Variants in DNTTIP1 observed in about 807,000 individuals in gnomAD.
DNTTIP1 encodes the protein deoxynucleotidyltransferase terminal-interacting protein 1.
DNTTIP1 carries 22 observed loss-of-function variants against 52.9 expected under a neutral mutation model. That is an observed-to-expected ratio of 0.42 (90% CI 0.30 to 0.59). DNTTIP1 has a LOEUF of 0.59. Ranked by LOEUF, DNTTIP1 falls within the 20% of genes least tolerant of loss-of-function variation. The pLI is 0.22. For synonymous variants in DNTTIP1, 136 were observed against 155.1 expected (o/e 0.88, Z 0.92); for missense variants, 286 against 435.5 (o/e 0.66, Z 3.06).
rs80085028 is a variant in DNTTIP1 at position 45,806,593 on chromosome 20, G to A, written c.723+1227G>A. 7.1e-4 allele frequency among the ~76,000 whole-genome samples: 108 copies of A among 152,352 alleles called. No individual in the cohort carries two copies. The East Asian group carries it at 9.1e-3, about 13-fold the overall frequency. On this transcript the variant is annotated intron_variant, in intron 10 of 12. Coordinates refer to ENST00000372622, the MANE Select transcript of DNTTIP1 (RefSeq NM_052951.3). The stretch of plus-strand genomic sequence containing the variant: ...CACACATGGTTTTTTGCACTTATAC[G>A]TAAGGCTTGGCACCTCTTGCCAGAA...
In DNTTIP1 at chr20:45,809,287, C is replaced by A; in HGVS notation, c.795+102C>A. 1 of 991,992 alleles carries A rather than the reference C, an allele frequency of 1.0e-6. No homozygotes were observed. Among genetic ancestry groups the A allele is most frequent in the Non-Finnish European group, 1.6e-6 (1 of 628,798 alleles). 61.4% of individuals were successfully genotyped at this position (991,992 alleles called of 1,614,324 possible). A position where few individuals can be genotyped will look rare whatever the true frequency, so the allele number is the denominator to read the frequency against. On this transcript the variant is annotated intron_variant, in intron 11 of 12. Transcript: ENST00000372622. This position sits in a 1 kb window ranked among gnomAD's most constrained non-coding sequence, Gnocchi z 4.2. ...CTACCTCCAAATCTGACTTCCAAAG[C>A]CTCACCAATGTGTGAGAAGAGAGAC...
Position 45,809,423 on chromosome 20 carries a change from A to G in DNTTIP1, c.795+238A>G, listed in dbSNP as rs148927106. 1.3e-4 allele frequency among the ~76,000 whole-genome samples: 20 copies of G among 152,148 alleles called. No homozygotes were observed. Among genetic ancestry groups the G allele is most frequent in the African/African-American group, 4.3e-4 (18 of 41,420 alleles). The stretch of plus-strand genomic sequence containing the variant: ...CACACTTTTACCTCATGCCTCCAAG[A>G]TCACATATTTGGATACTATTAGCTG... On this transcript the variant is annotated intron_variant, in intron 11 of 12. Transcript: ENST00000372622. This position sits in a 1 kb window ranked among gnomAD's most constrained non-coding sequence, Gnocchi z 4.2.
chr20:45,797,390 C>T, intron 4 of DNTTIP1, among the ~76,000 whole-genome samples: 1 of 152,096 alleles, frequency 6.6e-6, no homozygotes. Flanking sequence ...AGAAGAAAAC[C>T]TAGGCAATAC....
At chr20:45,810,860 C>T (rs1191168457) in intron 11 of DNTTIP1, 25 bp from the exon 12 acceptor site, 28 of 1,611,482 alleles carry the variant, frequency 1.7e-5, no homozygotes, top group Non-Finnish European at 2.4e-5. Flanking sequence ...CAGGCAATGA[C>T]CACTCTCCCT....
In DNTTIP1 at chr20:45,802,034, C is replaced by T. The variant is rs750000048; in HGVS notation, c.534C>T (p.Ser178=). 44 of 1,614,020 alleles carry T rather than the reference C, an allele frequency of 2.7e-5. 2 individuals carry two copies. In the South Asian group the frequency reaches 3.7e-4, roughly 14 times the overall value. ...KGRPPGHILS[S]DRAAAGMVWK... is the part of the protein sequence containing the mutation. ...GGCCTCCTGGACACATCCTGTCAAG[C>T]GACCGGGCAGCCGCCGGCATGGTGT... is the stretch of plus-strand genomic sequence containing the variant. The change falls in exon 7 of 13, where the codon AGC becomes AGT. Residue 178 remains serine (S), a synonymous_variant. Transcript: ENST00000372622.
intron 7 of DNTTIP1, 70 bp downstream of exon 7, chr20:45,802,127 A>G (rs1187141223): frequency 2.0e-6 from 3 of 1,524,098 alleles, no homozygotes; most frequent in South Asian, 2.2e-5. Flanking sequence ...GAAGGAAAAG[A>G]GTCCAGGGTT....
rs1308771285 is a variant in DNTTIP1, at chr20:45,800,742, T to A, written c.373-332T>A. On this transcript the variant is annotated intron_variant, in intron 4 of 12. Transcript: ENST00000372622. Reference sequence around the variant, plus strand: ...ATATATATATATATATATATATATATATATATATATATATTTGGAAGTGGG... The same window carrying A: ...ATATATATATATATATATATATATAAATATATATATATATTTGGAAGTGGG... Among the ~76,000 whole-genome samples the A allele has an allele frequency of 1.4e-3, 124 of 89,204 alleles. 11 individuals carry two copies. The highest frequency in any genetic ancestry group is 5.9e-3 in the African/African-American group (118 of 19,850). The allele number at this position is 89,204 out of a possible 152,430, so 58.5% of individuals were successfully genotyped here.
At chr20:45,796,051 A>G (rs1981227186) in intron 4 of DNTTIP1, among the ~76,000 whole-genome samples, 3 of 152,174 alleles carry the variant, frequency 2.0e-5, no homozygotes, top group African/African-American at 7.2e-5. Context: ...ATAGAAGCAG[A>G]GAGTAGAATG....
intron 4 of DNTTIP1, among the ~76,000 whole-genome samples, chr20:45,797,905 A>C (rs1016825186): frequency 8.5e-5 from 13 of 152,208 alleles, no homozygotes; most frequent in Non-Finnish European, 1.8e-4. Context: ...TAGTTCAACC[A>C]TTGTGGAAGT....
chr20:45,797,351 A>C (rs1313135796), intron 4 of DNTTIP1, among the ~76,000 whole-genome samples: 1 of 152,040 alleles, frequency 6.6e-6, no homozygotes, highest in African/African-American at 2.4e-5. Flanking sequence ...TAAAGACTTA[A>C]ATGTTAGACC....
At chr20:45,807,479 T>C (rs1981686113) in intron 10 of DNTTIP1, among the ~76,000 whole-genome samples, 1 of 152,226 alleles carries the variant, frequency 6.6e-6, no homozygotes, top group Non-Finnish European at 1.5e-5. Flanking sequence ...TTAGAATCTA[T>C]TTGTATTTCT....
chr20:45,808,343 CAATA>C (rs148291352), intron 10 of DNTTIP1, among the ~76,000 whole-genome samples: 2,547 of 151,444 alleles, frequency 0.017, 71 homozygotes, highest in African/African-American at 0.059. Context: ...GACGTCATCT[CAATA>C]AATAAATAAA....
chr20:45,801,189 G>A lies in DNTTIP1; in HGVS notation c.441+47G>A, dbSNP rs1031929942. On this transcript the variant is annotated intron_variant, in intron 5 of 12. Transcript: ENST00000372622. ...GGTATTGGAGCGGGAGGTCCTTCAG[G>A]CTGGGAGGCAAGTGAAATATGTGGG... 7.6e-6 allele frequency: 12 copies of A among 1,584,074 alleles called. No individual in the cohort carries two copies. The Admixed American group carries it at 2.0e-4, about 26-fold the overall frequency.
chr20:45,803,525 C>A, intron 8 of DNTTIP1, 147 bp downstream of exon 8: 1 of 829,192 alleles, frequency 1.2e-6, no homozygotes, highest in Non-Finnish European at 1.9e-6. Context: ...TCCAGCCACA[C>A]TGGCCTCAGA....
intron 3 of DNTTIP1, among the ~76,000 whole-genome samples, chr20:45,794,402 C>T (rs932517821): frequency 1.3e-5 from 2 of 152,084 alleles, no homozygotes; most frequent in Admixed American, 1.3e-4. Context: ...CTGCCTTGGC[C>T]TCCCAAAGTG....
chr20:45,801,496 A>G (rs752031924), intron 6 of DNTTIP1, 38 bp downstream of exon 6: 1 of 1,609,902 alleles, frequency 6.2e-7, no homozygotes. Context: ...GGCTGAAAAA[A>G]GGCTTGTCAG....
chr20:45,806,942 A>G (rs1981670861), intron 10 of DNTTIP1, among the ~76,000 whole-genome samples: 1 of 152,184 alleles, frequency 6.6e-6, no homozygotes, highest in Non-Finnish European at 1.5e-5. Flanking sequence ...TTCCCACTTC[A>G]GCGTGGTTTA....
At chr20:45,800,320 C>G (rs957792588) in intron 4 of DNTTIP1, among the ~76,000 whole-genome samples, 3 of 151,880 alleles carry the variant, frequency 2.0e-5, no homozygotes, top group Non-Finnish European at 2.9e-5. Flanking sequence ...ATTTTTCCAG[C>G]CATGATCATT....
intron 4 of DNTTIP1, 33 bp downstream of exon 4, chr20:45,795,476 A>G (rs757887048): frequency 7.4e-7 from 1 of 1,353,504 alleles, no homozygotes; most frequent in South Asian, 1.2e-5. Context: ...ATGCAGGCAC[A>G]AGGTTTAGCT....
Sources: allele counts gnomAD v4.1 joint callset (sites outside exome capture counted in the v4.1 genomes callset), GRCh38; gene constraint gnomAD v4.1.1; non-coding constraint Gnocchi (gnomAD v3.1); transcripts MANE v1.5; gene names NCBI Gene and HGNC (gene_info 2026-07-23, HGNC 2026-07-21).